ADCY8: variants seen among roughly 807,000 people sequenced by gnomAD.
ADCY8 encodes the protein adenylate cyclase 8.
A neutral mutation model predicts 119.7 loss-of-function variants in ADCY8; 51 were observed. The ratio of observed to expected loss-of-function variants is 0.43; its 90% CI spans 0.34 to 0.54. The LOEUF is 0.54. Ranked by LOEUF, ADCY8 falls within the 20% of genes least tolerant of loss-of-function variation. The probability of loss-of-function intolerance (pLI) is 0.03; values close to 1 mark genes in which losing one functional copy is unlikely to be tolerated. For missense variants in ADCY8, 1,383 were observed against 1,598.8 expected (o/e 0.87, Z 2.30); for synonymous variants, 665 against 651.0 (o/e 1.02, Z -0.33).
At chr8:130,944,502 A>C (rs1310006773) in intron 3 of ADCY8, among the ~76,000 whole-genome samples, 1 of 152,224 alleles carries the variant, frequency 6.6e-6, no homozygotes, top group African/African-American at 2.4e-5. Context: ...AGTGTAATTT[A>C]GTTTTAATGA....
chr8:130,859,973 T>C (rs762227321), intron 9 of ADCY8, among the ~76,000 whole-genome samples: 9 of 152,208 alleles, frequency 5.9e-5, no homozygotes, highest in Non-Finnish European at 1.3e-4. Context: ...GTGTGGCTGA[T>C]ATCTTATTCC....
intron 2 of ADCY8, among the ~76,000 whole-genome samples, chr8:130,977,410 A>G (rs192156127): frequency 1.7e-3 from 252 of 152,268 alleles, no homozygotes; most frequent in Non-Finnish European, 2.0e-3. Flanking sequence ...GTGTAATCCA[A>G]CCTTCTTTGC....
At chr8:130,878,159 G>A (rs140835185) in intron 8 of ADCY8, among the ~76,000 whole-genome samples, 81 of 152,280 alleles carry the variant, frequency 5.3e-4, no homozygotes, top group Admixed American at 2.5e-3. Context: ...ACCGGTAACT[G>A]GTTGGAACTG....
intron 10 of ADCY8, among the ~76,000 whole-genome samples, chr8:130,848,335 G>T (rs1296981551): frequency 6.6e-6 from 1 of 152,150 alleles, no homozygotes; most frequent in African/African-American, 2.4e-5. Flanking sequence ...TTGTTATCAA[G>T]ACTTAATTTA....
At chr8:130,868,238 A>ACATCCAAT (rs1168727540) in intron 8 of ADCY8, among the ~76,000 whole-genome samples, 1 of 152,196 alleles carries the variant, frequency 6.6e-6, no homozygotes, top group Non-Finnish European at 1.5e-5. Context: ...CCATATATGC[A>ACATCCAAT]GCAAATCAAA....
At chr8:130,861,332 C>T (rs1817921474) in intron 9 of ADCY8, among the ~76,000 whole-genome samples, 1 of 152,148 alleles carries the variant, frequency 6.6e-6, no homozygotes, top group Admixed American at 6.5e-5. Flanking sequence ...AATCCATGAA[C>T]ACAGAATATC....
intron 6 of ADCY8, among the ~76,000 whole-genome samples, chr8:130,907,783 A>G (rs1288758128): frequency 1.3e-5 from 2 of 152,168 alleles, no homozygotes; most frequent in Non-Finnish European, 2.9e-5. Flanking sequence ...GTATATGTGC[A>G]GCTTTGTTAC....
chr8:130,867,424 A>G (rs1226862136), intron 9 of ADCY8, among the ~76,000 whole-genome samples: 1 of 152,166 alleles, frequency 6.6e-6, no homozygotes, highest in African/African-American at 2.4e-5. Flanking sequence ...GTAAAGTAGA[A>G]CAGTGGCTGG....
At chr8:130,886,213 C>T (rs1818976962) in intron 7 of ADCY8, among the ~76,000 whole-genome samples, 1 of 152,130 alleles carries the variant, frequency 6.6e-6, no homozygotes, top group Non-Finnish European at 1.5e-5. Flanking sequence ...ACCCTCTTCT[C>T]CAGCCCTAGA....
rs765822672 is a variant in ADCY8 at position 131,040,177 on chromosome 8, C to A, written c.157G>T (p.Gly53Trp). Residue 53 changes from glycine (G) to tryptophan (W), a missense_variant, in exon 1 of 18, where the codon GGG (glycine) becomes TGG (tryptophan). Physicochemically the swap from Gly to Trp is radical, Grantham distance 184 (BLOSUM62 -2). This residue lies in a region of ADCY8 where 455 missense variants were observed against 435.3 expected (regional missense o/e 1.05). Coordinates refer to ENST00000286355, the MANE Select transcript of ADCY8 (RefSeq NM_001115.3). ...RHITEQRFIH[G>W]HRGGSGSGSG... is the part of the protein sequence containing the mutation. The stretch of plus-strand genomic sequence containing the variant: ...CCGCTGCCGCTGCCTCCCCGGTGCC[C>A]GTGAATGAAGCGCTGCTCCGTGATG... 52 of 1,534,188 alleles carry A rather than the reference C, an allele frequency of 3.4e-5. No homozygotes were observed. The South Asian group carries it at 5.4e-4, about 16-fold the overall frequency.
chr8:130,878,855 C>T (rs993792257), intron 8 of ADCY8, among the ~76,000 whole-genome samples: 2 of 152,084 alleles, frequency 1.3e-5, no homozygotes, highest in African/African-American at 4.8e-5. Flanking sequence ...CTTGATATGG[C>T]TTGATTATCA....
At chr8:130,812,588 G>C (rs980113974) in intron 14 of ADCY8, among the ~76,000 whole-genome samples, 4 of 152,212 alleles carry the variant, frequency 2.6e-5, no homozygotes, top group Non-Finnish European at 5.9e-5. Flanking sequence ...AGAAACTCCT[G>C]GGCCTAACAG....
At chr8:131,033,536 A>T (rs1395094710) in intron 1 of ADCY8, among the ~76,000 whole-genome samples, 1 of 152,172 alleles carries the variant, frequency 6.6e-6, no homozygotes, top group African/African-American at 2.4e-5. Context: ...ACCTGCTGAT[A>T]ACAGTCAGGT....
chr8:130,972,347 A>T (rs1163179434), intron 2 of ADCY8, among the ~76,000 whole-genome samples: 1 of 152,142 alleles, frequency 6.6e-6, no homozygotes, highest in African/African-American at 2.4e-5. Flanking sequence ...ATCTCTCATC[A>T]TGTGTGTTTT....
intron 2 of ADCY8, among the ~76,000 whole-genome samples, chr8:130,982,154 A>T (rs1404761161): frequency 6.6e-6 from 1 of 152,204 alleles, no homozygotes; most frequent in Non-Finnish European, 1.5e-5. Context: ...TCCTACCCAC[A>T]TCGGGTAAAC....
At chr8:130,834,628 T>C (rs2130254317) in intron 12 of ADCY8, among the ~76,000 whole-genome samples, 1 of 152,336 alleles carries the variant, frequency 6.6e-6, no homozygotes, top group African/African-American at 2.4e-5. Flanking sequence ...TCTCTATTAA[T>C]AGGTCAAAGG....
chr8:131,003,803 C>T lies in ADCY8; in HGVS notation c.961-13261G>A, dbSNP rs184151500. ...AAGGAGGAGTTTTATCCACACTTTT[C>T]TCCTAGGGTCCACAGATTATGGGTG... On this transcript the variant is annotated intron_variant, in intron 1 of 17. Transcript: ENST00000286355. Among the ~76,000 whole-genome samples, 3 of 152,108 alleles carry T rather than the reference C, an allele frequency of 2.0e-5. No homozygotes were observed. In the East Asian group the frequency reaches 5.8e-4, roughly 29 times the overall value.
intron 11 of ADCY8, among the ~76,000 whole-genome samples, chr8:130,841,842 T>C (rs922517991): frequency 1.3e-5 from 2 of 152,220 alleles, no homozygotes; most frequent in African/African-American, 4.8e-5. Flanking sequence ...CAAAATCTGA[T>C]TCTTAGCAAC....
chr8:131,030,989 C>T (rs992593058), intron 1 of ADCY8, among the ~76,000 whole-genome samples: 3 of 152,186 alleles, frequency 2.0e-5, no homozygotes, highest in Non-Finnish European at 4.4e-5. Context: ...GCAAAGCAAC[C>T]ATGATGACAT....
Sources: gnomAD v4.1 joint callset for allele counts (sites outside exome capture counted in the v4.1 genomes callset) on GRCh38, gnomAD v4.1.1 for gene constraint, gnomAD v4.1.1 regional missense constraint, MANE v1.5 for transcripts, NCBI Gene and HGNC (gene_info 2026-07-23, HGNC 2026-07-21) for gene names.